LNX1: variants seen among roughly 807,000 people sequenced by gnomAD.
LNX1 encodes the protein ligand of numb-protein X 1.
In LNX1, 54 loss-of-function variants were observed where a neutral mutation model predicts 68.4. The observed-to-expected ratio is 0.79, with a 90% CI of 0.63 to 0.99. LNX1 has a LOEUF of 0.99. LNX1 is among the 50% of genes least tolerant of loss of function. LNX1 has a pLI of 0.00. For synonymous variants in LNX1, 336 were observed against 350.0 expected, an observed-to-expected ratio of 0.96 and a Z score of 0.45; for missense variants, 906 against 926.4, an observed-to-expected ratio of 0.98 and a Z score of 0.29.
At chr4:53,464,562 A>AGTT (rs1197681386) in intron 9 of LNX1, among the ~76,000 whole-genome samples, 3 of 152,074 alleles carry the variant, frequency 2.0e-5, no homozygotes, top group South Asian at 2.1e-4. Flanking sequence ...TTTTTTTTAA[A>AGTT]GTTATGAGAG....
chr4:53,626,734 C>A (rs1577809020), intron 1 of LNX1, among the ~76,000 whole-genome samples: 3 of 152,322 alleles, frequency 2.0e-5, no homozygotes, highest in African/African-American at 7.2e-5. Flanking sequence ...ATGAGCTCTT[C>A]TTCAGCTCTT....
At chr4:53,568,792 C>T (rs1171520285) in intron 2 of LNX1, among the ~76,000 whole-genome samples, 2 of 152,086 alleles carry the variant, frequency 1.3e-5, no homozygotes, top group Non-Finnish European at 2.9e-5. Context: ...TCTCCTTAAG[C>T]TGATAAGCGA....
At chr4:53,521,029 C>G (rs1181973931) in intron 2 of LNX1, among the ~76,000 whole-genome samples, 2 of 152,174 alleles carry the variant, frequency 1.3e-5, no homozygotes, top group Non-Finnish European at 2.9e-5. Flanking sequence ...CAAAGTCTAG[C>G]TTTTGGTTTT....
intron 1 of LNX1, among the ~76,000 whole-genome samples, chr4:53,580,168 G>T (rs1426303074): frequency 1.3e-5 from 2 of 152,162 alleles, no homozygotes; most frequent in Non-Finnish European, 2.9e-5. Flanking sequence ...AGAGGAAAAA[G>T]TCCACATAAT....
chr4:53,476,450 G>A (rs531166707), intron 9 of LNX1, among the ~76,000 whole-genome samples: 42 of 152,188 alleles, frequency 2.8e-4, no homozygotes, highest in Admixed American at 1.3e-4. Flanking sequence ...TGCCCCCTCT[G>A]CCTGTCTGTG....
At chr4:53,594,148 T>G (rs1732643721), upstream of LNX1, 1 of 149,838 alleles carries the variant, frequency 6.7e-6, no homozygotes, top group Admixed American at 6.7e-5. Flanking sequence ...ATAATATATA[T>G]ATATATATGT....
intron 2 of LNX1, among the ~76,000 whole-genome samples, chr4:53,567,089 G>A (rs1423822242): frequency 2.2e-4 from 32 of 144,678 alleles, no homozygotes; most frequent in Non-Finnish European, 4.0e-4. Context: ...AGATCAACGA[G>A]ACAGAAAGTC....
At chr4:53,550,080 A>C (rs1577698714) in intron 2 of LNX1, among the ~76,000 whole-genome samples, 1 of 152,234 alleles carries the variant, frequency 6.6e-6, no homozygotes, top group South Asian at 2.1e-4. Context: ...GGGGGGAAAA[A>C]ATAAAATCAT....
chr4:53,462,369 A>G (rs1722221618), intron 9 of LNX1, among the ~76,000 whole-genome samples: 1 of 152,070 alleles, frequency 6.6e-6, no homozygotes. Context: ...TAACTATGTT[A>G]TAATTGCCAT....
intron 2 of LNX1, among the ~76,000 whole-genome samples, chr4:53,545,543 G>GC (rs1350617170): frequency 2.0e-5 from 3 of 152,190 alleles, no homozygotes; most frequent in African/African-American, 7.2e-5. Context: ...GGGAGCCATT[G>GC]CATTTGCTGC....
At chr4:53,616,384 A>T (rs1733680990) in intron 2 of LNX1, 1 of 152,226 alleles carries the variant, frequency 6.6e-6, no homozygotes, top group Admixed American at 6.5e-5. Context: ...CGCCTGGGTC[A>T]GCAGCACATG....
intron 2 of LNX1, among the ~76,000 whole-genome samples, chr4:53,606,848 A>G (rs1195296574): frequency 6.6e-6 from 1 of 152,216 alleles, no homozygotes; most frequent in Non-Finnish European, 1.5e-5. Context: ...ATAACTAAAG[A>G]CAAAAACCCA....
chr4:53,570,329 T>G (rs62323656), intron 2 of LNX1, among the ~76,000 whole-genome samples: 5 of 149,054 alleles, frequency 3.4e-5, no homozygotes, highest in Admixed American at 6.7e-5. Context: ...GAATACTATG[T>G]AGCCATAAAA....
At chr4:53,645,634 G>T (rs1734855268) in intron 1 of LNX1, among the ~76,000 whole-genome samples, 1 of 152,134 alleles carries the variant, frequency 6.6e-6, no homozygotes, top group Admixed American at 6.5e-5. Context: ...TGAATGAGAG[G>T]CATTCTGTTC....
intron 1 of LNX1, among the ~76,000 whole-genome samples, chr4:53,643,069 T>C (rs1734746598): frequency 6.6e-6 from 1 of 152,194 alleles, no homozygotes; most frequent in Non-Finnish European, 1.5e-5. Context: ...TGCTGAACAT[T>C]CTACAATGCA....
At chr4:53,507,885 C>A (rs1726026214) in intron 3 of LNX1, 101 bp downstream of exon 3, 5 of 1,442,272 alleles carry the variant, frequency 3.5e-6, no homozygotes, top group Non-Finnish European at 3.7e-6. Context: ...AGAACGATTT[C>A]CCCTTAAAAA....
At chr4:53,461,372 C>A in intron 10 of LNX1, 63 bp downstream of exon 10, 1 of 1,343,796 alleles carries the variant, frequency 7.4e-7, no homozygotes, top group Non-Finnish European at 1.0e-6. Flanking sequence ...CAAATGGGGC[C>A]AAGCTTTGGC....
At chr4:53,571,645 A>C (rs1413361673) in intron 2 of LNX1, among the ~76,000 whole-genome samples, 2 of 151,190 alleles carry the variant, frequency 1.3e-5, no homozygotes, top group Non-Finnish European at 2.9e-5. Context: ...TCTGACCCTC[A>C]AAACTGTATG....
chr4:53,550,208 T>G (rs1327191374), intron 2 of LNX1, among the ~76,000 whole-genome samples: 2 of 152,212 alleles, frequency 1.3e-5, no homozygotes, highest in Non-Finnish European at 2.9e-5. Flanking sequence ...AATACACAAG[T>G]TTAAAAATTC....
Sources: allele counts gnomAD v4.1 joint callset (sites outside exome capture counted in the v4.1 genomes callset), GRCh38; gene constraint gnomAD v4.1.1; transcripts MANE v1.5; gene names NCBI Gene and HGNC (gene_info 2026-07-23, HGNC 2026-07-21).